The following NR3C2 variants were observed in gnomAD, a reference collection of about 807,000 sequenced individuals.
NR3C2 encodes nuclear receptor subfamily 3 group C member 2, also known as mineralocorticoid receptor.
Under a neutral mutation model 86.4 loss-of-function variants are expected in NR3C2, and 15 were observed. That is an observed-to-expected ratio of 0.17 (90% CI 0.12 to 0.27). The LOEUF (loss-of-function observed/expected upper bound fraction) is 0.27, where lower values mean the gene tolerates loss of function less well. Among genes scored for constraint, NR3C2 ranks in the 10% least tolerant of loss-of-function variants. NR3C2 has a pLI of 1.00. For synonymous variants in NR3C2, 458 were observed against 450.5 expected (o/e 1.02, Z -0.21); for missense variants, 960 against 1,195.6 (o/e 0.80, Z 2.91).
intron 2 of NR3C2, among the ~76,000 whole-genome samples, chr4:148,356,899 C>CTGTGTGTGTGTGTGTGTGTGTG (rs67285458): frequency 1.3e-5 from 2 of 148,968 alleles, no homozygotes; most frequent in African/African-American, 5.0e-5. Context: ...CTAAGCACGA[C>CTGTGTGTGTGTGTGTGTGTGTG]TGTGTGTGTG....
intron 2 of NR3C2, among the ~76,000 whole-genome samples, chr4:148,426,823 A>G (rs543222469): frequency 1.3e-5 from 2 of 152,182 alleles, no homozygotes; most frequent in Admixed American, 6.5e-5. Flanking sequence ...GGCCTCCCTG[A>G]CCTCCAGACC....
intron 2 of NR3C2, among the ~76,000 whole-genome samples, chr4:148,410,378 A>G (rs1353442902): frequency 6.6e-6 from 1 of 152,214 alleles, no homozygotes; most frequent in Non-Finnish European, 1.5e-5. Context: ...ATGGACAGAG[A>G]AGTCTCCAAG....
At chr4:148,345,392 G>C (rs773659809) in intron 2 of NR3C2, among the ~76,000 whole-genome samples, 6 of 151,720 alleles carry the variant, frequency 4.0e-5, no homozygotes, top group Non-Finnish European at 7.4e-5. Context: ...ATTGGCAAGA[G>C]TAAAAAAAAT....
At chr4:148,124,619 C>T (rs10023128) in intron 6 of NR3C2, among the ~76,000 whole-genome samples, 20,913 of 152,140 alleles carry the variant, frequency 0.14, 1,689 homozygotes, top group African/African-American at 0.21. Flanking sequence ...AACTTGCATA[C>T]GTAAGTATTC....
chr4:148,358,244 G>A (rs1745649949), intron 2 of NR3C2, among the ~76,000 whole-genome samples: 1 of 152,042 alleles, frequency 6.6e-6, no homozygotes. Context: ...ATGATCGACT[G>A]GATTAAGAAA....
chr4:148,220,013 C>T (rs1029823618), intron 3 of NR3C2, among the ~76,000 whole-genome samples: 1 of 152,062 alleles, frequency 6.6e-6, no homozygotes, highest in African/African-American at 2.4e-5. Flanking sequence ...GCCTCAACTT[C>T]CCAGGCTCAA....
intron 8 of NR3C2, among the ~76,000 whole-genome samples, chr4:148,088,238 G>A (rs1036243527): frequency 2.0e-5 from 3 of 152,214 alleles, no homozygotes; most frequent in Non-Finnish European, 1.5e-5. Flanking sequence ...AGGATATGGA[G>A]AAATAAGAAC....
intron 2 of NR3C2, among the ~76,000 whole-genome samples, chr4:148,314,871 G>A (rs1302842505): frequency 6.6e-6 from 1 of 151,980 alleles, no homozygotes; most frequent in South Asian, 2.1e-4. Context: ...ATTACACAAT[G>A]AACTTTAACA....
intron 7 of NR3C2, among the ~76,000 whole-genome samples, chr4:148,118,740 T>C (rs1322141050): frequency 1.3e-5 from 2 of 152,180 alleles, no homozygotes; most frequent in African/African-American, 2.4e-5. Context: ...TTCCTATTAA[T>C]GGCATCACTA....
chr4:148,369,491 A>G, intron 2 of NR3C2, among the ~76,000 whole-genome samples: 1 of 152,224 alleles, frequency 6.6e-6, no homozygotes, highest in East Asian at 1.9e-4. Flanking sequence ...TTGAGGCATG[A>G]CAAATTAGAG....
At chr4:148,257,122 C>A (rs963045269) in intron 3 of NR3C2, among the ~76,000 whole-genome samples, 1 of 152,168 alleles carries the variant, frequency 6.6e-6, no homozygotes, top group Non-Finnish European at 1.5e-5. Flanking sequence ...TAAATGACTT[C>A]CCTCAAATCA....
intron 2 of NR3C2, among the ~76,000 whole-genome samples, chr4:148,434,035 A>G (rs1431662102): frequency 2.0e-5 from 3 of 152,216 alleles, no homozygotes; most frequent in Non-Finnish European, 4.4e-5. Context: ...TTGGAAAAAA[A>G]TAGAATAAGA....
chr4:148,343,728 T>G (rs1433253659), intron 2 of NR3C2, among the ~76,000 whole-genome samples: 1 of 152,016 alleles, frequency 6.6e-6, no homozygotes, highest in Non-Finnish European at 1.5e-5. Context: ...TCAGATTAGG[T>G]AGCAAAAGCC....
chr4:148,154,315 C>T (rs577965614), intron 5 of NR3C2, among the ~76,000 whole-genome samples: 3 of 152,336 alleles, frequency 2.0e-5, no homozygotes, highest in African/African-American at 4.8e-5. Flanking sequence ...TGAGCCACTG[C>T]GCCCAGCCGT....
intron 2 of NR3C2, among the ~76,000 whole-genome samples, chr4:148,278,270 T>A (rs1173265130): frequency 6.6e-6 from 1 of 152,060 alleles, no homozygotes; most frequent in East Asian, 1.9e-4. Context: ...TGGCTAATTT[T>A]TATATTTTTA....
At chr4:148,145,152 T>C (rs1019666289) in intron 6 of NR3C2, among the ~76,000 whole-genome samples, 1 of 151,738 alleles carries the variant, frequency 6.6e-6, no homozygotes, top group African/African-American at 2.4e-5. Context: ...ATCTCAGGAG[T>C]TGGGTGAGTG....
At position 148,232,395 on chromosome 4, in the gene NR3C2, C is replaced by T. The variant is rs184464853; in HGVS notation, c.1897+27583G>A. ...ATTAGAGTTCTTTGGTGACTAGGTG[C>T]GTTGTCAGCATGCAATAATATTTTG... is the stretch of plus-strand genomic sequence containing the variant. On this transcript the variant is annotated intron_variant, in intron 3 of 8. Transcript: ENST00000358102. Among the ~76,000 whole-genome samples, 352 of 152,290 alleles carry T rather than the reference C, an allele frequency of 2.3e-3. 3 individuals carry two copies. The highest frequency in any genetic ancestry group is 7.8e-3 in the African/African-American group (324 of 41,566).
At chr4:148,121,942 C>T (rs570032674) in intron 6 of NR3C2, among the ~76,000 whole-genome samples, 4 of 152,210 alleles carry the variant, frequency 2.6e-5, no homozygotes, top group East Asian at 3.9e-4. Flanking sequence ...ATATCCTTGT[C>T]GTTTCTACAG....
intron 2 of NR3C2, among the ~76,000 whole-genome samples, chr4:148,266,172 A>G (rs999674763): frequency 5.3e-5 from 8 of 150,856 alleles, no homozygotes; most frequent in African/African-American, 2.0e-4. Context: ...TCCCGGGTTC[A>G]AGCGATTCTC....
Sources: gnomAD v4.1 joint callset for allele counts (sites outside exome capture counted in the v4.1 genomes callset) on GRCh38, gnomAD v4.1.1 for gene constraint, MANE v1.5 for transcripts, NCBI Gene and HGNC (gene_info 2026-07-23, HGNC 2026-07-21) for gene names.